Variants in TCL1B observed in about 807,000 individuals in gnomAD.
TCL1B encodes T-cell leukemia/lymphoma protein 1B.
TCL1B carries 14 observed loss-of-function variants against 16.9 expected under a neutral mutation model. That is an observed-to-expected ratio of 0.83 (90% CI 0.55 to 1.30). The LOEUF (loss-of-function observed/expected upper bound fraction) is 1.30. Ranked by LOEUF, TCL1B falls within the 50% of genes most tolerant of loss-of-function variation. The pLI, the probability that TCL1B is intolerant of heterozygous loss-of-function variation, is 0.00. For synonymous variants in TCL1B, 79 were observed against 66.6 expected (o/e 1.19, Z -0.91); for missense variants, 166 against 165.2 (o/e 1.00, Z -0.03).
chr14:95,691,890 C>G (rs1313962975), intron 3 of TCL1B, 41 bp from the exon 4 acceptor site: 1 of 153,008 alleles, frequency 6.5e-6, no homozygotes, highest in Non-Finnish European at 1.5e-5. Flanking sequence ...GTGCCGGGCT[C>G]CCCCATAGTT....
At chr14:95,689,114 G>C (rs969206849) in intron 1 of TCL1B, among the ~76,000 whole-genome samples, 8 of 151,700 alleles carry the variant, frequency 5.3e-5, no homozygotes, top group Admixed American at 2.0e-4. Flanking sequence ...GTGAAACCCC[G>C]TCTCTACTAA....
chr14:95,689,926 AT>A (rs1454948752), intron 1 of TCL1B, among the ~76,000 whole-genome samples: 1 of 152,370 alleles, frequency 6.6e-6, no homozygotes, highest in East Asian at 1.9e-4. Context: ...ATTTTGTTGC[AT>A]AACGTAGGAA....
In TCL1B at chr14:95,692,579, G is replaced by C. The variant is rs934211198; in HGVS notation, c.*664G>C. 6.6e-6 allele frequency: 1 copy of C among 152,278 alleles called. No individual in the cohort carries two copies. Among genetic ancestry groups the C allele is most frequent in the African/African-American group, 2.4e-5 (1 of 41,462 alleles). The allele number at this position is 152,278 out of a possible 1,614,324, so 9.4% of individuals were successfully genotyped here. A position where few individuals can be genotyped will look rare whatever the true frequency, so the allele number is the denominator to read the frequency against. ...CAGCTCACGGAAGGGATGCTAGTCC[G>C]TGAAGGTGACCTCACAGTACTGGTT... On this transcript the variant is annotated 3_prime_UTR_variant, in exon 4 of 4. Coordinates refer to ENST00000340722, the MANE Select transcript of TCL1B (RefSeq NM_004918.4).
chr14:95,689,087 C>G (rs987756288), intron 1 of TCL1B, among the ~76,000 whole-genome samples: 2 of 151,782 alleles, frequency 1.3e-5, no homozygotes, highest in Non-Finnish European at 2.9e-5. Flanking sequence ...GAGATCGAGA[C>G]CATCCTGGCT....
chr14:95,690,701 T>C (rs1202210953), intron 1 of TCL1B, 35 bp from the exon 2 acceptor site: 1 of 1,589,882 alleles, frequency 6.3e-7, no homozygotes, highest in Non-Finnish European at 8.6e-7. Context: ...GGGAACCCTA[T>C]CCATGATTTG....
chr14:95,686,834 C>A (rs1407523144), intron 1 of TCL1B, among the ~76,000 whole-genome samples: 1 of 152,230 alleles, frequency 6.6e-6, no homozygotes. Context: ...ACAAGCTTAT[C>A]CACATGAGAT....
chr14:95,688,496 C>T (rs181981982), intron 1 of TCL1B, among the ~76,000 whole-genome samples: 3 of 152,198 alleles, frequency 2.0e-5, no homozygotes, highest in Admixed American at 6.5e-5. Context: ...ATGGTGCAGC[C>T]ACTATGGAAA....
rs1451723614 is a variant in TCL1B at position 95,691,385 on chromosome 14, G to A, written c.*15+49G>A. The A allele has an allele frequency of 1.8e-5, 28 of 1,560,362 alleles. No individual in the cohort carries two copies. In the South Asian group the frequency reaches 3.0e-4, roughly 17 times the overall value. Reference sequence around the variant, plus strand: ...CAGTGTAGGGATCAGACGAAAGTGAGAAGACCTCTCCTCTTTTCAGAAAGA... The same window carrying A: ...CAGTGTAGGGATCAGACGAAAGTGAAAAGACCTCTCCTCTTTTCAGAAAGA... On this transcript the variant is annotated intron_variant, in intron 3 of 3. Transcript: ENST00000340722.
chr14:95,687,138 TG>T (rs367826657), intron 1 of TCL1B, among the ~76,000 whole-genome samples: 3 of 152,356 alleles, frequency 2.0e-5, no homozygotes, highest in African/African-American at 7.2e-5. Context: ...CTCACATACA[TG>T]GCTCACCGCC....
At position 95,687,951 on chromosome 14, in the gene TCL1B, C is replaced by CAAAAAA. The variant is rs36096166; in HGVS notation, c.162+1335_162+1340dup. Among the ~76,000 whole-genome samples the CAAAAAA allele has an allele frequency of 9.2e-5, 10 of 108,674 alleles. 1 individual carries two copies. The highest frequency in any genetic ancestry group is 6.5e-4 in the South Asian group (2 of 3,096). The allele number at this position is 108,674 out of a possible 152,430, so 71.3% of individuals were successfully genotyped here. On this transcript the variant is annotated intron_variant, in intron 1 of 3. Coordinates refer to ENST00000340722, the MANE Select transcript of TCL1B (RefSeq NM_004918.4). The stretch of plus-strand genomic sequence containing the variant: ...TGGGTGACAGAGTGAGACTCCGTCC[C>CAAAAAA]AAAAAAAAAAAAAAAAAATGCCGTT...
intron 1 of TCL1B, chr14:95,689,524 A>T (rs1444708708): frequency 2.0e-5 from 3 of 152,216 alleles, no homozygotes; most frequent in Non-Finnish European, 4.4e-5. Flanking sequence ...AAAGGATCTG[A>T]TGGTAAACAT....
chr14:95,691,856 T>G (rs1694148115), intron 3 of TCL1B, 75 bp from the exon 4 acceptor site: 1 of 153,390 alleles, frequency 6.5e-6, no homozygotes, highest in African/African-American at 2.4e-5. Context: ...TGGACTTGCC[T>G]TTGACCCCAG....
At chr14:95,691,604 A>G (rs1400737344) in intron 3 of TCL1B, 3 of 317,860 alleles carry the variant, frequency 9.4e-6, no homozygotes, top group African/African-American at 4.2e-5. Context: ...TGTACGTGTT[A>G]ATGTCCCATT....
chr14:95,688,245 CCTT>C (rs1249416627), intron 1 of TCL1B: 2 of 152,074 alleles, frequency 1.3e-5, no homozygotes, highest in East Asian at 3.9e-4. Context: ...GATCTGCCCA[CCTT>C]GGCCTCCCAA....
In TCL1B at chr14:95,692,373, G is replaced by C. The variant is rs1054859; in HGVS notation, c.*458G>C. ...TGGTTCGGTTTAAGAGATGGCATTAGAGGGAGCCCAGTCTGGATGTGGACT... is the reference window on the plus strand; with the variant it reads ...TGGTTCGGTTTAAGAGATGGCATTACAGGGAGCCCAGTCTGGATGTGGACT... On this transcript the variant is annotated 3_prime_UTR_variant, in exon 4 of 4. Coordinates refer to ENST00000340722, the MANE Select transcript of TCL1B (RefSeq NM_004918.4). The C allele has an allele frequency of 0.038, 5,832 of 152,396 alleles. 357 individuals carry two copies. Among genetic ancestry groups the C allele is most frequent in the African/African-American group, 0.13 (5,349 of 41,534 alleles). The allele number at this position is 152,396 out of a possible 1,614,324, so 9.4% of individuals were successfully genotyped here. A position where few individuals can be genotyped will look rare whatever the true frequency, so the allele number is the denominator to read the frequency against.
intron 1 of TCL1B, among the ~76,000 whole-genome samples, chr14:95,689,615 G>A (rs1371613589): frequency 1.3e-5 from 2 of 152,232 alleles, no homozygotes; most frequent in African/African-American, 4.8e-5. Context: ...AACGGTAAAG[G>A]AATGAGGGAA....
rs1020630112 is a variant in TCL1B, at chr14:95,692,476, G to A, written c.*561G>A. 2 of 152,308 alleles carry A rather than the reference G, an allele frequency of 1.3e-5. No individual in the cohort carries two copies. Among genetic ancestry groups the A allele is most frequent in the African/African-American group, 4.8e-5 (2 of 41,466 alleles). 9.4% of individuals were successfully genotyped at this position (152,308 alleles called of 1,614,324 possible). ...AGTGCTGAGCAAGCAATGTACACCA[G>A]AGCCTCAGTGAGCCCATCTGCACAG... On this transcript the variant is annotated 3_prime_UTR_variant, in exon 4 of 4. Transcript: ENST00000340722.
chr14:95,691,062 G>T (rs1247490768), intron 2 of TCL1B, among the ~76,000 whole-genome samples, 156 bp downstream of exon 2: 1 of 152,230 alleles, frequency 6.6e-6, no homozygotes, highest in African/African-American at 2.4e-5. Context: ...TGTGTGGGTG[G>T]ATCGGTGCAT....
At position 95,691,348 on chromosome 14, in the gene TCL1B, C is replaced by A; in HGVS notation, c.*15+12C>A. The A allele has an allele frequency of 6.2e-7, 1 of 1,611,742 alleles. No homozygotes were observed. Among genetic ancestry groups the A allele is most frequent in the Non-Finnish European group, 8.5e-7 (1 of 1,179,402 alleles). On this transcript the variant is annotated intron_variant, in intron 3 of 3. Transcript: ENST00000340722. ...ACTGGGAGTGGCTGGTATGTTGGGG[C>A]CCTGTGCGTCTCAGTGTAGGGATCA...
Sources: allele counts gnomAD v4.1 joint callset (sites outside exome capture counted in the v4.1 genomes callset), GRCh38; gene constraint gnomAD v4.1.1; transcripts MANE v1.5; gene names NCBI Gene and HGNC (gene_info 2026-07-23, HGNC 2026-07-21).